The following ZNF286A variants were observed in gnomAD, a reference collection of about 807,000 sequenced individuals.
ZNF286A encodes zinc finger protein ZNF286.
ZNF286A carries 34 observed loss-of-function variants against 49.3 expected under a neutral mutation model. The ratio of observed to expected loss-of-function variants is 0.69; its 90% CI spans 0.52 to 0.92. The LOEUF (loss-of-function observed/expected upper bound fraction) is 0.92, where lower values mean the gene tolerates loss of function less well. Among genes scored for constraint, ZNF286A ranks in the 40% least tolerant of loss-of-function variants. The pLI is 0.00. For synonymous variants in ZNF286A, 155 were observed against 200.4 expected (o/e 0.77, Z 1.91); for missense variants, 462 against 600.2 (o/e 0.77, Z 2.41).
intron 5 of ZNF286A, among the ~76,000 whole-genome samples, chr17:15,712,503 C>G (rs1388675130): frequency 3.9e-5 from 6 of 152,224 alleles, no homozygotes; most frequent in Non-Finnish European, 8.8e-5. Flanking sequence ...ATCTCCCCAA[C>G]AGCATCCTTT....
rs1454721880 is a variant in ZNF286A at position 15,718,963 on chromosome 17, C to T, written c.*1673C>T. 1.5e-5 allele frequency: 2 copies of T among 130,608 alleles called. No individual in the cohort carries two copies. The highest frequency in any genetic ancestry group is 2.8e-4 in the South Asian group (1 of 3,540). 8.1% of individuals were successfully genotyped at this position (130,608 alleles called of 1,614,324 possible). On this transcript the variant is annotated 3_prime_UTR_variant, in exon 6 of 6. Transcript: ENST00000583566. ...GAGGTGCTACACACTTTTTATGCAA[C>T]CAAATCTCATGAGAACTCTATCACG...
intron 3 of ZNF286A, among the ~76,000 whole-genome samples, chr17:15,703,643 C>A (rs541479216): frequency 7.2e-5 from 11 of 152,142 alleles, no homozygotes; most frequent in African/African-American, 2.7e-4. Flanking sequence ...TACTATATTT[C>A]CTTCCATCTA....
chr17:15,706,908 C>T (rs1393494533), intron 4 of ZNF286A, among the ~76,000 whole-genome samples: 2 of 152,124 alleles, frequency 1.3e-5, no homozygotes, highest in Admixed American at 6.5e-5. Flanking sequence ...GTTATTCTTC[C>T]AGTTAGATAG....
Position 15,712,095 on chromosome 17 carries a change from G to A in ZNF286A, c.334+3848G>A, listed in dbSNP as rs556769159. On this transcript the variant is annotated intron_variant, in intron 5 of 5. Coordinates refer to ENST00000583566, the MANE Select transcript of ZNF286A (RefSeq NM_001130842.2). Reference sequence around the variant, plus strand: ...CACCGTGTTAGCCGGGATGATCTCAGTCTCCTGACCTCATGATCCGCCCTC... The same window carrying A: ...CACCGTGTTAGCCGGGATGATCTCAATCTCCTGACCTCATGATCCGCCCTC... Among the ~76,000 whole-genome samples, 666 of 151,444 alleles carry A rather than the reference G, an allele frequency of 4.4e-3. 1 individual carries two copies. The highest frequency in any genetic ancestry group is 0.013 in the South Asian group (63 of 4,752).
rs1241905748 is a variant in ZNF286A at position 15,715,236 on chromosome 17, G to A, written c.335-823G>A. The stretch of plus-strand genomic sequence containing the variant: ...TTTTTTTATTTTTTTTTAAATGTAA[G>A]CAAACAGTATAGGTATTTGTACCCC... On this transcript the variant is annotated intron_variant, in intron 5 of 5. Transcript: ENST00000583566. Among the ~76,000 whole-genome samples the A allele has an allele frequency of 6.6e-5, 10 of 151,114 alleles. No individual in the cohort carries two copies. The East Asian group carries it at 1.8e-3, about 26-fold the overall frequency.
chr17:15,704,838 C>T, intron 3 of ZNF286A: 3 of 1,613,160 alleles, frequency 1.9e-6, no homozygotes, highest in Non-Finnish European at 2.5e-6. Flanking sequence ...CGGTCAGTGT[C>T]GTCACCTCCT....
Position 15,717,721 on chromosome 17 carries a change from C to T in ZNF286A, c.*431C>T, listed in dbSNP as rs1469242847. On this transcript the variant is annotated 3_prime_UTR_variant, in exon 6 of 6. Transcript: ENST00000583566. ...AGACACAATGTTGTTATTTATTACTCCTTGAGATCTAGATACACATATGGT... is the reference window on the plus strand; with the variant it reads ...AGACACAATGTTGTTATTTATTACTTCTTGAGATCTAGATACACATATGGT... 1 of 162,324 alleles carries T rather than the reference C, an allele frequency of 6.2e-6. No individual in the cohort carries two copies. Among genetic ancestry groups the T allele is most frequent in the Non-Finnish European group, 1.4e-5 (1 of 73,854 alleles). The allele number at this position is 162,324 out of a possible 1,614,324, so 10.1% of individuals were successfully genotyped here. A position where few individuals can be genotyped will look rare whatever the true frequency, so the allele number is the denominator to read the frequency against.
intron 3 of ZNF286A, chr17:15,704,305 T>C: frequency 6.2e-7 from 1 of 1,610,422 alleles, no homozygotes; most frequent in Non-Finnish European, 8.5e-7. Flanking sequence ...CTCGCCAGCA[T>C]GCTTCTTGGC....
rs1967290763 is a variant in ZNF286A, at chr17:15,719,942, C to T, written c.*2652C>T. ...AAATACTCCTACCTCTAGGATGTTA[C>T]TATATATTGTTAGGAGAATTCAAGT... is the stretch of plus-strand genomic sequence containing the variant. On this transcript the variant is annotated 3_prime_UTR_variant, in exon 6 of 6. Coordinates refer to ENST00000583566, the MANE Select transcript of ZNF286A (RefSeq NM_001130842.2). 12 of 152,262 alleles carry T rather than the reference C, an allele frequency of 7.9e-5. 1 individual carries two copies. In the South Asian group the frequency reaches 2.5e-3, roughly 32 times the overall value. 9.4% of individuals were successfully genotyped at this position (152,262 alleles called of 1,614,324 possible).
intron 4 of ZNF286A, 106 bp from the exon 5 acceptor site, chr17:15,708,049 T>C: frequency 3.4e-6 from 2 of 596,104 alleles, no homozygotes; most frequent in South Asian, 7.3e-5. Flanking sequence ...AAGTTGGAAT[T>C]CACTAAGGAA....
intron 3 of ZNF286A, among the ~76,000 whole-genome samples, chr17:15,701,706 T>C (rs952947923): frequency 6.6e-6 from 1 of 152,238 alleles, no homozygotes; most frequent in Non-Finnish European, 1.5e-5. Context: ...TATGAAGGCG[T>C]AATTTAAAGA....
intron 5 of ZNF286A, 196 bp from the exon 6 acceptor site, chr17:15,715,863 A>T (rs1356745143): frequency 9.4e-6 from 13 of 1,378,542 alleles, no homozygotes; most frequent in South Asian, 3.0e-5. Flanking sequence ...CCTGGATAGG[A>T]TGTACTTATT....
intron 3 of ZNF286A, chr17:15,701,540 T>C (rs150702253): frequency 6.5e-5 from 16 of 245,388 alleles, no homozygotes; most frequent in African/African-American, 2.8e-4. Context: ...CTATTTTAAA[T>C]ATAATGTGGT....
intron 5 of ZNF286A, among the ~76,000 whole-genome samples, chr17:15,709,232 G>T (rs1195136835): frequency 6.7e-6 from 1 of 149,376 alleles, no homozygotes. Context: ...ACTCACGCCT[G>T]TAATCCCAGC....
At position 15,719,666 on chromosome 17, in the gene ZNF286A, C is replaced by T. The variant is rs570281628; in HGVS notation, c.*2376C>T. ...TAATCACCTCCAAAAGGCCCCATTT[C>T]GTAATACCGTCAGTTAAGTTTCATT... On this transcript the variant is annotated 3_prime_UTR_variant, in exon 6 of 6. Transcript: ENST00000583566. 11 of 152,200 alleles carry T rather than the reference C, an allele frequency of 7.2e-5. No individual in the cohort carries two copies. The highest frequency in any genetic ancestry group is 4.1e-4 in the South Asian group (2 of 4,824). 9.4% of individuals were successfully genotyped at this position (152,200 alleles called of 1,614,324 possible).
intron 5 of ZNF286A, 132 bp from the exon 6 acceptor site, chr17:15,715,927 C>T: frequency 1.3e-6 from 2 of 1,518,918 alleles, no homozygotes; most frequent in Non-Finnish European, 1.8e-6. Context: ...CTTTGCAAAT[C>T]ATCTGAAAGA....
At chr17:15,715,555 T>C (rs1966989309) in intron 5 of ZNF286A, among the ~76,000 whole-genome samples, 2 of 152,128 alleles carry the variant, frequency 1.3e-5, no homozygotes, top group Non-Finnish European at 2.9e-5. Flanking sequence ...TGGGAGATCA[T>C]AGGAGGTTTT....
Position 15,720,164 on chromosome 17 carries a change from AATAAATC to A in ZNF286A, c.*2877_*2883del. The A allele has an allele frequency of 6.6e-6, 1 of 152,098 alleles. No individual in the cohort carries two copies. 9.4% of individuals were successfully genotyped at this position (152,098 alleles called of 1,614,324 possible). ...ATCTGTATTAGGTTTCAACAAAGGG[AATAAATC>A]ATTGGCTTCTCATGAGGTTGTCATA... On this transcript the variant is annotated 3_prime_UTR_variant, in exon 6 of 6. Transcript: ENST00000583566.
chr17:15,719,139 A>C lies in ZNF286A; in HGVS notation c.*1849A>C, dbSNP rs1597741622. On this transcript the variant is annotated 3_prime_UTR_variant, in exon 6 of 6. Transcript: ENST00000583566. Reference sequence around the variant, plus strand: ...ACAGATCTAAACTGTATCATTACTCAAAAAAAAAAAAAAAAAGAAAGAAAA... The same window carrying C: ...ACAGATCTAAACTGTATCATTACTCCAAAAAAAAAAAAAAAAGAAAGAAAA... The C allele has an allele frequency of 2.4e-5, 1 of 41,814 alleles. No individual in the cohort carries two copies. The highest frequency in any genetic ancestry group is 3.9e-5 in the Non-Finnish European group (1 of 25,410). 2.6% of individuals were successfully genotyped at this position (41,814 alleles called of 1,614,324 possible).
Sources: gnomAD v4.1 joint callset for allele counts (sites outside exome capture counted in the v4.1 genomes callset) on GRCh38, gnomAD v4.1.1 for gene constraint, MANE v1.5 for transcripts, NCBI Gene and HGNC (gene_info 2026-07-23, HGNC 2026-07-21) for gene names.